Variants in PCDHGA1 observed in about 807,000 individuals in gnomAD.
PCDHGA1 encodes protocadherin gamma-A1.
In PCDHGA1, 32 loss-of-function variants were observed where a neutral mutation model predicts 58.0. The observed-to-expected ratio is 0.55, with a 90% CI of 0.42 to 0.74. PCDHGA1 has a LOEUF of 0.74. Among genes scored for constraint, PCDHGA1 ranks in the 30% least tolerant of loss-of-function variants. The probability of loss-of-function intolerance (pLI) is 0.00; values close to 1 mark genes in which losing one functional copy is unlikely to be tolerated. For synonymous variants in PCDHGA1, 498 were observed against 501.1 expected, an observed-to-expected ratio of 0.99 and a Z score of 0.08; for missense variants, 1,205 against 1,182.3, an observed-to-expected ratio of 1.02 and a Z score of -0.28.
Position 141,364,692 on chromosome 5 carries a change from T to G in PCDHGA1, c.2421+31587T>G, listed in dbSNP as rs1763485100. On this transcript the variant is annotated intron_variant, in intron 1 of 3. Transcript: ENST00000517417. ...AAAATGAAAATTTATGGAGTAGAAGTAGAAATAATCGATATTAATGATAAC... is the reference window on the plus strand; with the variant it reads ...AAAATGAAAATTTATGGAGTAGAAGGAGAAATAATCGATATTAATGATAAC... The G allele has an allele frequency of 2.5e-6, 4 of 1,613,922 alleles. No individual in the cohort carries two copies. In the East Asian group the frequency reaches 8.9e-5, roughly 36 times the overall value.
chr5:141,344,069 A>C, intron 1 of PCDHGA1: 1 of 1,600,450 alleles, frequency 6.2e-7, no homozygotes, highest in Non-Finnish European at 8.5e-7. Context: ...ATGGCAGAGG[A>C]CTGGCCCTGC....
Position 141,379,889 on chromosome 5 carries a change from C to CTTTTTT in PCDHGA1, c.2421+46809_2421+46814dup, listed in dbSNP as rs70988800. Among the ~76,000 whole-genome samples the CTTTTTT allele has an allele frequency of 6.7e-3, 342 of 50,826 alleles. 49 individuals carry two copies. Among genetic ancestry groups the CTTTTTT allele is most frequent in the African/African-American group, 8.9e-3 (134 of 15,072 alleles). 33.3% of individuals were successfully genotyped at this position (50,826 alleles called of 152,430 possible). On this transcript the variant is annotated intron_variant, in intron 1 of 3. Transcript: ENST00000517417. ...CTTATTTTATGGTCTGTGAAAGCCT[C>CTTTTTT]TTTTTTTTTTTTTTTTTTTTTTTTT...
intron 1 of PCDHGA1, chr5:141,338,736 G>A: frequency 9.5e-7 from 1 of 1,053,810 alleles, no homozygotes; most frequent in Non-Finnish European, 1.2e-6. Context: ...GACCACCTAA[G>A]GAGTAAAAGG....
intron 1 of PCDHGA1, chr5:141,362,519 C>G: frequency 1.2e-6 from 2 of 1,613,948 alleles, no homozygotes; most frequent in South Asian, 1.1e-5. Context: ...AATCATGGAG[C>G]CGCTGGGGTC....
rs1225265096 is a variant in PCDHGA1 at position 141,490,666 on chromosome 5, G to A, written c.2422-4141G>A. Reference sequence around the variant, plus strand: ...GCCTCCGGGCTCCCTTCTTTGCACTGTGGCTGCCTCAGATCCAGACACTGG... The same window carrying A: ...GCCTCCGGGCTCCCTTCTTTGCACTATGGCTGCCTCAGATCCAGACACTGG... On this transcript the variant is annotated intron_variant, in intron 1 of 3. Coordinates refer to ENST00000517417, the MANE Select transcript of PCDHGA1 (RefSeq NM_018912.3). The surrounding 1 kb of genome is among the most constrained non-coding windows in gnomAD (Gnocchi z 5.4). The A allele has an allele frequency of 1.2e-6, 2 of 1,614,134 alleles. No homozygotes were observed. The highest frequency in any genetic ancestry group is 3.3e-5 in the Admixed American group (2 of 60,026).
chr5:141,331,980 A>T lies in PCDHGA1; in HGVS notation c.1296A>T (p.Leu432=). The change falls in exon 1 of 4, where the codon CTA becomes CTT. Residue 432 remains leucine, a synonymous_variant. Coordinates refer to ENST00000517417, the MANE Select transcript of PCDHGA1 (RefSeq NM_018912.3). The stretch of plus-strand genomic sequence containing the variant: ...CAATAGACCAAGGAACTCCAGCTCT[A>T]TCTACTGAAACTCACATTTCACTAC... ...ITAIDQGTPA[L]STETHISLLV... 2 of 1,614,152 alleles carry T rather than the reference A, an allele frequency of 1.2e-6. No homozygotes were observed. Among genetic ancestry groups the T allele is most frequent in the Non-Finnish European group, 1.7e-6 (2 of 1,180,012 alleles).
intron 1 of PCDHGA1, among the ~76,000 whole-genome samples, chr5:141,373,147 T>C (rs1769357441): frequency 6.6e-6 from 1 of 152,270 alleles, no homozygotes; most frequent in African/African-American, 2.4e-5. Flanking sequence ...TTAAGTGGTT[T>C]ACTTAGTTTT....
At chr5:141,362,329 A>G (rs1463168776) in intron 1 of PCDHGA1, 5 of 1,613,930 alleles carry the variant, frequency 3.1e-6, no homozygotes, top group Non-Finnish European at 4.2e-6. Flanking sequence ...GCCTGGTCTC[A>G]GCTCCAAGCC....
intron 1 of PCDHGA1, chr5:141,339,274 C>T: frequency 1.2e-6 from 2 of 1,614,254 alleles, no homozygotes; most frequent in Non-Finnish European, 1.7e-6. Context: ...AGAGCGCACC[C>T]TGTCTGTTGA....
intron 1 of PCDHGA1, chr5:141,362,192 C>T: frequency 6.2e-7 from 1 of 1,614,038 alleles, no homozygotes; most frequent in Non-Finnish European, 8.5e-7. Flanking sequence ...GACCCCCAGG[C>T]AAAACTGCAG....
intron 1 of PCDHGA1, chr5:141,417,592 TG>T: frequency 2.1e-6 from 1 of 485,078 alleles, no homozygotes; most frequent in Non-Finnish European, 3.5e-6. Context: ...ACAGAGCCTC[TG>T]GGCGCCGCCG....
intron 1 of PCDHGA1, chr5:141,396,416 C>T (rs1336875388): frequency 6.6e-6 from 1 of 152,140 alleles, no homozygotes; most frequent in Non-Finnish European, 1.5e-5. Flanking sequence ...GTCAGGAGTT[C>T]AAGATCAGCC....
intron 1 of PCDHGA1, chr5:141,390,162 A>G: frequency 6.2e-7 from 1 of 1,614,024 alleles, no homozygotes; most frequent in African/African-American, 1.3e-5. Context: ...TACAGGAAAG[A>G]CGGAGTTTAA....
At chr5:141,375,691 C>T in intron 1 of PCDHGA1, 1 of 1,614,272 alleles carries the variant, frequency 6.2e-7, no homozygotes, top group South Asian at 1.1e-5. Context: ...CAGCCAGCGA[C>T]AGCGGGGACC....
rs1194724338 is a variant in PCDHGA1, at chr5:141,340,866, T to G, written c.2421+7761T>G. 3.7e-6 allele frequency: 6 copies of G among 1,613,562 alleles called. No homozygotes were observed. Among genetic ancestry groups the G allele is most frequent in the Non-Finnish European group, 5.1e-6 (6 of 1,179,930 alleles). On this transcript the variant is annotated intron_variant, in intron 1 of 3. Transcript: ENST00000517417. ...GGCGAGGTGCGCACGGCGCGAGCCC[T>G]GCTGGACAGAGACGCGCTCAAGCAG...
chr5:141,342,474 A>G (rs1214042750), intron 1 of PCDHGA1: 2 of 152,200 alleles, frequency 1.3e-5, no homozygotes, highest in Admixed American at 6.5e-5. Flanking sequence ...TCATGTACCA[A>G]TTGAGCCTTT....
chr5:141,465,171 G>T (rs969390966), intron 1 of PCDHGA1, among the ~76,000 whole-genome samples: 1 of 151,728 alleles, frequency 6.6e-6, no homozygotes, highest in Non-Finnish European at 1.5e-5. Flanking sequence ...TGTTTATGAA[G>T]AAATTTAATT....
chr5:141,467,923 T>C lies in PCDHGA1; in HGVS notation c.2422-26884T>C, dbSNP rs190816380. Among the ~76,000 whole-genome samples the C allele has an allele frequency of 3.9e-3, 588 of 151,590 alleles. 5 individuals carry two copies. Among genetic ancestry groups the C allele is most frequent in the Admixed American group, 0.011 (168 of 15,214 alleles). ...ATCCGCCCACCTCAGCCTCCCAAAA[T>C]GCTAGGATTACAAGCATGAGCCACC... On this transcript the variant is annotated intron_variant, in intron 1 of 3. Coordinates refer to ENST00000517417, the MANE Select transcript of PCDHGA1 (RefSeq NM_018912.3).
intron 1 of PCDHGA1, chr5:141,364,858 G>C (rs199575653): frequency 6.2e-7 from 1 of 1,614,006 alleles, no homozygotes; most frequent in African/African-American, 1.3e-5. Context: ...GCTCCAATCT[G>C]CACTTCTCTC....
Sources: allele counts gnomAD v4.1 joint callset (sites outside exome capture counted in the v4.1 genomes callset), GRCh38; gene constraint gnomAD v4.1.1; non-coding constraint Gnocchi (gnomAD v3.1); transcripts MANE v1.5; gene names NCBI Gene and HGNC (gene_info 2026-07-23, HGNC 2026-07-21).